TXNL1: variants seen among roughly 807,000 people sequenced by gnomAD.
The protein encoded by TXNL1 is thioredoxin-like protein 1.
TXNL1 carries 14 observed loss-of-function variants against 35.5 expected under a neutral mutation model. The ratio of observed to expected loss-of-function variants is 0.39; its 90% CI spans 0.26 to 0.62. The LOEUF is 0.62. Ranked by LOEUF, TXNL1 falls within the 20% of genes least tolerant of loss-of-function variation. TXNL1 has a pLI of 0.47. For synonymous variants in TXNL1, 110 were observed against 115.5 expected (o/e 0.95, Z 0.31); for missense variants, 263 against 349.7 (o/e 0.75, Z 1.98).
chr18:56,609,964 T>C (rs1598912703), intron 7 of TXNL1: 1 of 152,238 alleles, frequency 6.6e-6, no homozygotes, highest in Non-Finnish European at 1.5e-5. Flanking sequence ...GCATACAATT[T>C]TGTAAGATCA....
intron 3 of TXNL1, among the ~76,000 whole-genome samples, chr18:56,623,700 T>C (rs368962956): frequency 6.6e-6 from 1 of 152,160 alleles, no homozygotes; most frequent in South Asian, 2.1e-4. Flanking sequence ...TTTAGATTCT[T>C]AAGTCTTTAT....
chr18:56,629,310 T>C (rs1183914947), intron 1 of TXNL1, among the ~76,000 whole-genome samples: 1 of 152,178 alleles, frequency 6.6e-6, no homozygotes, highest in Non-Finnish European at 1.5e-5. Flanking sequence ...GGCGGATCAC[T>C]TGAGTCCAGG....
Position 56,610,717 on chromosome 18 carries a change from T to A in TXNL1, c.840+276A>T, listed in dbSNP as rs376654270. The A allele has an allele frequency of 2.1e-5, 4 of 188,570 alleles. No individual in the cohort carries two copies. In the East Asian group the frequency reaches 3.9e-4, roughly 18 times the overall value. The allele number at this position is 188,570 out of a possible 1,614,324, so 11.7% of individuals were successfully genotyped here. ...TTTTCCATTATTACTAACCACTTTC[T>A]ATAACCAAGCCATTATTTTTACCCT... On this transcript the variant is annotated intron_variant, in intron 7 of 7. Coordinates refer to ENST00000217515, the MANE Select transcript of TXNL1 (RefSeq NM_004786.3).
chr18:56,619,147 A>C (rs2024138279), intron 3 of TXNL1, among the ~76,000 whole-genome samples: 1 of 151,176 alleles, frequency 6.6e-6, no homozygotes, highest in Non-Finnish European at 1.5e-5. Flanking sequence ...TCAGGAAATC[A>C]AGGCTGCAGT....
intron 1 of TXNL1, among the ~76,000 whole-genome samples, chr18:56,636,623 A>C (rs1301209633): frequency 1.3e-5 from 2 of 152,066 alleles, no homozygotes; most frequent in Non-Finnish European, 2.9e-5. Context: ...GTTCCTTACC[A>C]ATCAATGTCT....
At chr18:56,632,908 G>A (rs1483137085) in intron 1 of TXNL1, among the ~76,000 whole-genome samples, 1 of 152,124 alleles carries the variant, frequency 6.6e-6, no homozygotes, top group Non-Finnish European at 1.5e-5. Context: ...TACTGGGCCT[G>A]CTTACTCTGT....
In TXNL1 at chr18:56,598,368, G is replaced by A. The variant is rs150055546; in HGVS notation, c.*4659C>T. 10 of 152,324 alleles carry A rather than the reference G, an allele frequency of 6.6e-5. No individual in the cohort carries two copies. Among genetic ancestry groups the A allele is most frequent in the Non-Finnish European group, 1.3e-4 (9 of 68,060 alleles). The allele number at this position is 152,324 out of a possible 1,614,324, so 9.4% of individuals were successfully genotyped here. A position where few individuals can be genotyped will look rare whatever the true frequency, so the allele number is the denominator to read the frequency against. On this transcript the variant is annotated 3_prime_UTR_variant, in exon 8 of 8. Coordinates refer to ENST00000217515, the MANE Select transcript of TXNL1 (RefSeq NM_004786.3). Reference sequence around the variant, plus strand: ...ATAATGGCAAGGTGTCATAGCAGCTGAGGAGGCGTGCACAATTGTTATGAT... The same window carrying A: ...ATAATGGCAAGGTGTCATAGCAGCTAAGGAGGCGTGCACAATTGTTATGAT...
chr18:56,633,739 A>C (rs1382939526), intron 1 of TXNL1, among the ~76,000 whole-genome samples: 1 of 151,896 alleles, frequency 6.6e-6, no homozygotes, highest in African/African-American at 2.4e-5. Flanking sequence ...TAATCCCAGC[A>C]CTTTGAGAGG....
At chr18:56,620,879 A>G (rs2024168144) in intron 3 of TXNL1, among the ~76,000 whole-genome samples, 1 of 152,256 alleles carries the variant, frequency 6.6e-6, no homozygotes, top group Non-Finnish European at 1.5e-5. Flanking sequence ...CTGAAATGTT[A>G]TAGTAAATGT....
intron 7 of TXNL1, 127 bp from the exon 8 acceptor site, chr18:56,603,183 T>A (rs2023834897): frequency 1.2e-6 from 1 of 843,202 alleles, no homozygotes; most frequent in Admixed American, 2.6e-5. Flanking sequence ...TGGCATGCAA[T>A]GTATTTTCAC....
intron 4 of TXNL1, 94 bp downstream of exon 4, chr18:56,617,910 G>C (rs2024116435): frequency 5.5e-6 from 8 of 1,453,190 alleles, no homozygotes; most frequent in Non-Finnish European, 7.6e-6. Flanking sequence ...GATCATCTGG[G>C]AAGGAGAGAC....
rs570515453 is a variant in TXNL1, at chr18:56,599,425, T to C, written c.*3602A>G. ...AAATTTATTTACTATATGCATGTTA[T>C]ATATACTTGCTTTATGTGTATTATA... On this transcript the variant is annotated 3_prime_UTR_variant, in exon 8 of 8. Coordinates refer to ENST00000217515, the MANE Select transcript of TXNL1 (RefSeq NM_004786.3). 2 of 152,342 alleles carry C rather than the reference T, an allele frequency of 1.3e-5. No homozygotes were observed. Among genetic ancestry groups the C allele is most frequent in the East Asian group, 3.9e-4 (2 of 5,192 alleles). The allele number at this position is 152,342 out of a possible 1,614,324, so 9.4% of individuals were successfully genotyped here. A position where few individuals can be genotyped will look rare whatever the true frequency, so the allele number is the denominator to read the frequency against.
intron 3 of TXNL1, among the ~76,000 whole-genome samples, chr18:56,621,882 C>A (rs1379057647): frequency 1.3e-5 from 2 of 151,756 alleles, no homozygotes; most frequent in African/African-American, 4.8e-5. Flanking sequence ...CACCTATAAT[C>A]CCAGCTACTT....
chr18:56,632,786 T>C (rs2024395517), intron 1 of TXNL1, among the ~76,000 whole-genome samples: 2 of 152,212 alleles, frequency 1.3e-5, no homozygotes, highest in African/African-American at 2.4e-5. Flanking sequence ...CATTTTTGTA[T>C]ATTTGCACTT....
chr18:56,604,045 C>G (rs2023851197), intron 7 of TXNL1, among the ~76,000 whole-genome samples: 1 of 152,140 alleles, frequency 6.6e-6, no homozygotes, highest in Admixed American at 6.5e-5. Context: ...GACCTGAAAG[C>G]TTTCCACTGA....
chr18:56,609,519 T>C (rs2023956698), intron 7 of TXNL1: 1 of 151,652 alleles, frequency 6.6e-6, no homozygotes, highest in African/African-American at 2.4e-5. Context: ...CAGAAAAAAA[T>C]GAAAATCAAA....
chr18:56,597,495 A>G lies in TXNL1; in HGVS notation c.*5532T>C, dbSNP rs2023759443. 1 of 152,234 alleles carries G rather than the reference A, an allele frequency of 6.6e-6. No homozygotes were observed. Among genetic ancestry groups the G allele is most frequent in the Non-Finnish European group, 1.5e-5 (1 of 68,036 alleles). 9.4% of individuals were successfully genotyped at this position (152,234 alleles called of 1,614,324 possible). A position where few individuals can be genotyped will look rare whatever the true frequency, so the allele number is the denominator to read the frequency against. On this transcript the variant is annotated 3_prime_UTR_variant, in exon 8 of 8. Transcript: ENST00000217515. ...ACTGGACATCCCAGCTAATTTCAAT[A>G]TCACATTTGAAGATGGTGACTGCTC...
intron 7 of TXNL1, among the ~76,000 whole-genome samples, chr18:56,604,272 C>G (rs2023854498): frequency 6.6e-6 from 1 of 152,180 alleles, no homozygotes; most frequent in Admixed American, 6.5e-5. Flanking sequence ...TTATCTCTAT[C>G]ACAAGTAAAT....
intron 7 of TXNL1, among the ~76,000 whole-genome samples, chr18:56,606,412 T>C (rs1402271730): frequency 1.3e-5 from 2 of 152,158 alleles, no homozygotes; most frequent in Non-Finnish European, 2.9e-5. Context: ...CTAATTACTA[T>C]GTATATACTA....
Sources: gnomAD v4.1 joint callset for allele counts (sites outside exome capture counted in the v4.1 genomes callset) on GRCh38, gnomAD v4.1.1 for gene constraint, MANE v1.5 for transcripts, NCBI Gene and HGNC (gene_info 2026-07-23, HGNC 2026-07-21) for gene names.